TARDBP: variants seen among roughly 807,000 people sequenced by gnomAD.
The protein encoded by TARDBP is TAR DNA-binding protein 43.
Under a neutral mutation model 38.3 loss-of-function variants are expected in TARDBP, and 4 were observed. The ratio of observed to expected loss-of-function variants is 0.10; its 90% confidence interval spans 0.05 to 0.24. The LOEUF (loss-of-function observed/expected upper bound fraction) is 0.24. Ranked by LOEUF, TARDBP falls within the 10% of genes least tolerant of loss-of-function variation. The pLI is 1.00. For synonymous variants in TARDBP, 184 were observed against 183.8 expected (o/e 1.00, Z -0.01); for missense variants, 202 against 521.9 (o/e 0.39, Z 5.97).
At chr1:11,027,868 A>C (rs2100868776), downstream of TARDBP, among the ~76,000 whole-genome samples, 1 of 152,336 alleles carries the variant, frequency 6.6e-6, no homozygotes, top group Admixed American at 6.5e-5. Flanking sequence ...TCAGAAAATG[A>C]GATTAGTGAA....
At chr1:11,021,780 G>GT (rs201903701) in intron 5 of TARDBP, among the ~76,000 whole-genome samples, 2,829 of 151,910 alleles carry the variant, frequency 0.019, 45 homozygotes, top group South Asian at 0.035. Context: ...CTTTTTTGTG[G>GT]TTTTTTTTGA....
chr1:11,014,805 TG>T (rs1643482679), intron 2 of TARDBP, among the ~76,000 whole-genome samples: 1 of 152,022 alleles, frequency 6.6e-6, no homozygotes, highest in Non-Finnish European at 1.5e-5. Context: ...GATGTGGTGG[TG>T]GGTGCCTGTA....
chr1:11,020,401 G>GT lies in TARDBP; in HGVS notation c.544-21dup, dbSNP rs755516338. On this transcript the variant is annotated intron_variant, in intron 4 of 5. Coordinates refer to ENST00000240185, the MANE Select transcript of TARDBP (RefSeq NM_007375.4). ...TTCATTGTTCATAACATATTTCTGA[G>GT]TTTTTTTCTTCCTTTTGATTTGATC... The GT allele has an allele frequency of 1.4e-5, 23 of 1,613,582 alleles. No individual in the cohort carries two copies. The South Asian group carries it at 1.6e-4, about 12-fold the overall frequency.
At chr1:11,018,928 T>TA in intron 4 of TARDBP, 55 bp downstream of exon 4, 1 of 1,611,806 alleles carries the variant, frequency 6.2e-7, no homozygotes, top group South Asian at 1.1e-5. Context: ...TAGAGGATTG[T>TA]AAGATAAAAT....
In TARDBP at chr1:11,025,265, C is replaced by T. The variant is rs1189426893; in HGVS notation, c.*2611C>T. 1.3e-5 allele frequency: 2 copies of T among 152,580 alleles called. No homozygotes were observed. The highest frequency in any genetic ancestry group is 4.8e-5 in the African/African-American group (2 of 41,444). The allele number at this position is 152,580 out of a possible 1,614,324, so 9.5% of individuals were successfully genotyped here. On this transcript the variant is annotated 3_prime_UTR_variant, in exon 6 of 6. Coordinates refer to ENST00000240185, the MANE Select transcript of TARDBP (RefSeq NM_007375.4). ...CCCTTCTTTACACTTGTGTAAATTT[C>T]AGTTACTGGTCATAGAAGGCTTTCA...
At position 11,017,053 on chromosome 1, in the gene TARDBP, G is replaced by C. The variant is rs183550769; in HGVS notation, c.402+46G>C. On this transcript the variant is annotated intron_variant, in intron 3 of 5. Coordinates refer to ENST00000240185, the MANE Select transcript of TARDBP (RefSeq NM_007375.4). The stretch of plus-strand genomic sequence containing the variant: ...ACAGTTTTTCTTTACCAGTGAATGA[G>C]TATCTAGCATTTATTTATTGGTATA... 2.6e-5 allele frequency: 42 copies of C among 1,590,574 alleles called. No homozygotes were observed. The African/African-American group carries it at 5.5e-4, about 21-fold the overall frequency.
At position 11,022,537 on chromosome 1, in the gene TARDBP, C is replaced by T; in HGVS notation, c.1128C>T (p.Gly376=). 1 of 1,584,572 alleles carries T rather than the reference C, an allele frequency of 6.3e-7. No homozygotes were observed. Among genetic ancestry groups the T allele is most frequent in the Non-Finnish European group, 8.6e-7 (1 of 1,162,926 alleles). Reference sequence around the variant, plus strand: ...GTTCTGGAAATAACTCTTATAGTGGCTCTAATTCTGGTGCAGCAATTGGTT... The same window carrying T: ...GTTCTGGAAATAACTCTTATAGTGGTTCTAATTCTGGTGCAGCAATTGGTT... ...AFGSGNNSYS[G]SNSGAAIGWG... The change falls in exon 6 of 6, where the codon GGC becomes GGT. Residue 376 remains glycine (G), a synonymous_variant. Transcript: ENST00000240185. This position sits in a 1 kb window ranked among gnomAD's most constrained non-coding sequence, Gnocchi z 4.5.
rs747882328 is a variant in TARDBP, at chr1:11,018,902, T to G, written c.543+29T>G. ...CTTGCGTCTGTGCTTTGGGAATTTT[T>G]GCCAACAAACTTCCTTAGAGGATTG... On this transcript the variant is annotated intron_variant, in intron 4 of 5. Transcript: ENST00000240185. 9.3e-6 allele frequency: 15 copies of G among 1,613,792 alleles called. No homozygotes were observed. The Admixed American group carries it at 2.5e-4, about 27-fold the overall frequency.
downstream of TARDBP, chr1:11,026,899 T>C: frequency 6.7e-7 from 1 of 1,481,918 alleles, no homozygotes; most frequent in South Asian, 1.5e-5. Flanking sequence ...AAATCACTAA[T>C]TATGTTCTCG....
At position 11,023,460 on chromosome 1, in the gene TARDBP, C is replaced by T; in HGVS notation, c.*806C>T. On this transcript the variant is annotated 3_prime_UTR_variant, in exon 6 of 6. Coordinates refer to ENST00000240185, the MANE Select transcript of TARDBP (RefSeq NM_007375.4). ...ACCTTGTGTGGGATTGATGGTGGTG[C>T]CGAGGCATGAAAGGCTAGTATGAGC... 2 of 597,062 alleles carry T rather than the reference C, an allele frequency of 3.3e-6. No homozygotes were observed. Among genetic ancestry groups the T allele is most frequent in the Non-Finnish European group, 5.9e-6 (2 of 339,522 alleles). 37.0% of individuals were successfully genotyped at this position (597,062 alleles called of 1,614,324 possible). A position where few individuals can be genotyped will look rare whatever the true frequency, so the allele number is the denominator to read the frequency against.
chr1:11,030,087 G>T, downstream of TARDBP: 3 of 895,916 alleles, frequency 3.3e-6, no homozygotes, highest in South Asian at 4.6e-5. Context: ...TTACATTTCT[G>T]CCTACCACAG....
chr1:11,025,764 T>C (rs1330050852), downstream of TARDBP: 1 of 153,602 alleles, frequency 6.5e-6, no homozygotes, highest in African/African-American at 2.4e-5. Context: ...TAAAACCAAA[T>C]GAGATTTTTA....
chr1:11,028,282 A>T (rs544580262), downstream of TARDBP, among the ~76,000 whole-genome samples: 5 of 152,166 alleles, frequency 3.3e-5, no homozygotes, highest in Non-Finnish European at 7.3e-5. Flanking sequence ...GATGGACTGG[A>T]TGATGTGCAT....
At position 11,016,854 on chromosome 1, in the gene TARDBP, A is replaced by G. The variant is rs1643534738; in HGVS notation, c.249A>G (p.Arg83=). 1 of 1,614,058 alleles carries G rather than the reference A, an allele frequency of 6.2e-7. No homozygotes were observed. The highest frequency in any genetic ancestry group is 8.5e-7 in the Non-Finnish European group (1 of 1,180,002). ...GCTCGTTTTATTTAGATAACAAAAG[A>G]AAAATGGATGAGACAGATGCTTCAT... is the stretch of plus-strand genomic sequence containing the variant. ...YVVNYPKDNK[R]KMDETDASSA... Residue 83 remains arginine, a synonymous_variant, in exon 3 of 6, where the codon AGA becomes AGG. Coordinates refer to ENST00000240185, the MANE Select transcript of TARDBP (RefSeq NM_007375.4).
Position 11,024,879 on chromosome 1 carries a change from T to C in TARDBP, c.*2225T>C, listed in dbSNP as rs1643702658. On this transcript the variant is annotated 3_prime_UTR_variant, in exon 6 of 6. Transcript: ENST00000240185. The stretch of plus-strand genomic sequence containing the variant: ...TTGGAAGAATGTGATATTTGTTGTG[T>C]TGGTAGTTTACCTAATGCCCTTACC... The C allele has an allele frequency of 6.5e-6, 1 of 152,680 alleles. No homozygotes were observed. Among genetic ancestry groups the C allele is most frequent in the South Asian group, 2.1e-4 (1 of 4,834 alleles). The allele number at this position is 152,680 out of a possible 1,614,324, so 9.5% of individuals were successfully genotyped here.
chr1:11,017,699 T>G (rs2100846638), intron 3 of TARDBP, among the ~76,000 whole-genome samples: 1 of 152,300 alleles, frequency 6.6e-6, no homozygotes, highest in Non-Finnish European at 1.5e-5. Context: ...GTTTTTCCAT[T>G]TCATTTAAAA....
chr1:11,028,666 A>AAGG (rs1490286060), downstream of TARDBP, among the ~76,000 whole-genome samples: 1 of 151,838 alleles, frequency 6.6e-6, no homozygotes, highest in Admixed American at 6.6e-5. Context: ...CAAATAACAC[A>AAGG]AGGGTAATTA....
chr1:11,013,786 C>T lies in TARDBP; in HGVS notation c.59C>T (p.Ser20Leu). The T allele has an allele frequency of 6.2e-7, 1 of 1,613,696 alleles. No individual in the cohort carries two copies. The highest frequency in any genetic ancestry group is 8.5e-7 in the Non-Finnish European group (1 of 1,179,726). The change falls in exon 2 of 6, where the codon TCG becomes TTG. Residue 20 changes from serine (S) to leucine (L), a missense_variant. Ser to Leu is a moderately radical substitution (Grantham distance 145). Coordinates refer to ENST00000240185, the MANE Select transcript of TARDBP (RefSeq NM_007375.4). ...AACGATGAGCCCATTGAAATACCATCGGAAGACGATGGGACGGTGCTGCTC... is the reference window on the plus strand; with the variant it reads ...AACGATGAGCCCATTGAAATACCATTGGAAGACGATGGGACGGTGCTGCTC... Reference protein sequence around the residue: ...DENDEPIEIPSEDDGTVLLST... With the variant: ...DENDEPIEIPLEDDGTVLLST...
intron 1 of TARDBP, among the ~76,000 whole-genome samples, chr1:11,013,354 C>A (rs1643451943): frequency 6.6e-6 from 1 of 152,246 alleles, no homozygotes; most frequent in African/African-American, 2.4e-5. Flanking sequence ...CCTCTGCCTT[C>A]AGGATTACTT....
Sources: gnomAD v4.1 joint callset for allele counts (sites outside exome capture counted in the v4.1 genomes callset) on GRCh38, gnomAD v4.1.1 for gene constraint, Gnocchi (gnomAD v3.1) non-coding constraint, MANE v1.5 for transcripts, NCBI Gene and HGNC (gene_info 2026-07-23, HGNC 2026-07-21) for gene names.